Variants in BCL2L13 observed in about 807,000 individuals in gnomAD.
The protein encoded by BCL2L13 is bcl-2-like protein 13.
BCL2L13 carries 13 observed loss-of-function variants against 25.8 expected under a neutral mutation model. That is an observed-to-expected ratio of 0.50 (90% CI 0.33 to 0.80). The LOEUF is 0.80. BCL2L13 is among the 30% of genes least tolerant of loss of function. BCL2L13 has a pLI of 0.02. For synonymous variants in BCL2L13, 244 were observed against 230.3 expected, an observed-to-expected ratio of 1.06 and a Z score of -0.54; for missense variants, 504 against 574.9, an observed-to-expected ratio of 0.88 and a Z score of 1.26.
chr22:17,664,657 C>A (rs5747315), intron 2 of BCL2L13, among the ~76,000 whole-genome samples: 78,133 of 152,136 alleles, frequency 0.51, 20,788 homozygotes, highest in East Asian at 0.84. Flanking sequence ...ACACCTCTGC[C>A]TGGACATCCA....
In BCL2L13 at chr22:17,727,086, C is replaced by T. The variant is rs747258223; in HGVS notation, c.1010C>T (p.Ala337Val). 5.6e-6 allele frequency: 9 copies of T among 1,614,256 alleles called. 1 individual carries two copies. Among genetic ancestry groups the T allele is most frequent in the South Asian group, 5.5e-5 (5 of 91,090 alleles). The stretch of plus-strand genomic sequence containing the variant: ...TTGCCAGCGCGGGAGCTGCAAGAGG[C>T]ACTTCCTGAAGCCCCAGCTCCCTTG... ...VVLPARELQE[A>V]LPEAPAPLLP... The change falls in exon 7 of 7, where the codon GCA (alanine) becomes GTA (valine). Residue 337 changes from alanine to valine, a missense_variant. Coordinates refer to ENST00000317582, the MANE Select transcript of BCL2L13 (RefSeq NM_015367.4).
chr22:17,653,189 G>A (rs577087464), intron 1 of BCL2L13, among the ~76,000 whole-genome samples: 1 of 152,192 alleles, frequency 6.6e-6, no homozygotes, highest in South Asian at 2.1e-4. Context: ...CGTTAAGTCG[G>A]GGACTGTCTG....
At chr22:17,670,384 T>TTC in intron 2 of BCL2L13, among the ~76,000 whole-genome samples, 1 of 151,212 alleles carries the variant, frequency 6.6e-6, no homozygotes, top group Admixed American at 6.6e-5. Flanking sequence ...TTTTTTTTTT[T>TTC]TTTTTTTAAG....
chr22:17,693,376 T>TAG (rs2060168654), intron 4 of BCL2L13, among the ~76,000 whole-genome samples: 1 of 76,920 alleles, frequency 1.3e-5, no homozygotes, highest in African/African-American at 5.4e-5. Context: ...GTGTTTGTTT[T>TAG]TTTTTTTTTT....
At chr22:17,640,953 C>T (rs991223879) in intron 1 of BCL2L13, among the ~76,000 whole-genome samples, 1 of 151,218 alleles carries the variant, frequency 6.6e-6, no homozygotes, top group African/African-American at 2.4e-5. Flanking sequence ...TGCAATGACA[C>T]GATCTCGGCT....
chr22:17,690,966 G>A (rs1321152543), intron 4 of BCL2L13, among the ~76,000 whole-genome samples: 13 of 151,960 alleles, frequency 8.6e-5, no homozygotes, highest in African/African-American at 3.1e-4. Flanking sequence ...GAAGAAGTGA[G>A]GGATAGTAAG....
intron 4 of BCL2L13, among the ~76,000 whole-genome samples, chr22:17,691,681 A>G (rs886905344): frequency 1.3e-5 from 2 of 152,160 alleles, no homozygotes; most frequent in East Asian, 3.8e-4. Flanking sequence ...TCCAAATTTG[A>G]TACAGACTTT....
At chr22:17,684,331 A>G (rs2059844917) in intron 3 of BCL2L13, among the ~76,000 whole-genome samples, 1 of 152,246 alleles carries the variant, frequency 6.6e-6, no homozygotes, top group Non-Finnish European at 1.5e-5. Context: ...TAATAATAAT[A>G]AAGTACAATT....
intron 2 of BCL2L13, among the ~76,000 whole-genome samples, chr22:17,675,677 T>A (rs183844975): frequency 6.6e-6 from 1 of 152,102 alleles, no homozygotes; most frequent in South Asian, 2.1e-4. Context: ...TGGAAAAAAA[T>A]TGAAGGCAAG....
intron 6 of BCL2L13, among the ~76,000 whole-genome samples, chr22:17,720,281 A>G (rs934679274): frequency 1.3e-5 from 2 of 151,804 alleles, no homozygotes; most frequent in African/African-American, 4.8e-5. Flanking sequence ...TGATTCTCCC[A>G]CCTCAGCCTC....
rs537315017 is a variant in BCL2L13, at chr22:17,669,030, C to CTTTTTTTTTTTT, written c.121+13207_121+13218dup. ...AAGTTTATTTGGCTCCTGTTTCTTT[C>CTTTTTTTTTTTT]TTTTTTTTTTTTTTTTTTTTGAGAC... On this transcript the variant is annotated intron_variant, in intron 2 of 6. Transcript: ENST00000317582. Among the ~76,000 whole-genome samples the CTTTTTTTTTTTT allele has an allele frequency of 3.9e-4, 44 of 111,832 alleles. 1 individual carries two copies. The highest frequency in any genetic ancestry group is 5.4e-4 in the East Asian group (2 of 3,738). 73.4% of individuals were successfully genotyped at this position (111,832 alleles called of 152,430 possible). A position where few individuals can be genotyped will look rare whatever the true frequency, so the allele number is the denominator to read the frequency against.
intron 6 of BCL2L13, among the ~76,000 whole-genome samples, chr22:17,710,552 C>G (rs759394236): frequency 2.0e-5 from 3 of 150,170 alleles, no homozygotes; most frequent in Non-Finnish European, 4.4e-5. Context: ...TGCACTCCAG[C>G]CTGGGTGACA....
At chr22:17,685,970 C>T (rs2059925513) in intron 3 of BCL2L13, among the ~76,000 whole-genome samples, 2 of 151,348 alleles carry the variant, frequency 1.3e-5, no homozygotes. Flanking sequence ...GACGGGGTTT[C>T]ACCGTGTTAG....
chr22:17,719,827 C>CAAAAAAAAAAAAAAAAAA (rs60474373), intron 6 of BCL2L13, among the ~76,000 whole-genome samples: 1 of 91,098 alleles, frequency 1.1e-5, no homozygotes, highest in Non-Finnish European at 2.3e-5. Flanking sequence ...GACTCCATCT[C>CAAAAAAAAAAAAAAAAAA]AAAAAAAAAA....
chr22:17,672,910 A>C (rs1303875396), intron 2 of BCL2L13, among the ~76,000 whole-genome samples: 1 of 152,112 alleles, frequency 6.6e-6, no homozygotes, highest in Non-Finnish European at 1.5e-5. Flanking sequence ...TTGGGTATGT[A>C]GATTTTCCAA....
intron 6 of BCL2L13, among the ~76,000 whole-genome samples, 171 bp from the exon 7 acceptor site, chr22:17,726,506 C>A (rs918492237): frequency 2.6e-5 from 4 of 152,118 alleles, no homozygotes; most frequent in Non-Finnish European, 5.9e-5. Context: ...GTCAAAAATT[C>A]TTTCTCTGCA....
intron 6 of BCL2L13, among the ~76,000 whole-genome samples, chr22:17,720,409 T>C (rs1177017228): frequency 6.6e-6 from 1 of 152,080 alleles, no homozygotes; most frequent in Non-Finnish European, 1.5e-5. Context: ...CAGGCCGGAG[T>C]GCACTGGCGC....
chr22:17,720,366 C>G (rs1257822153), intron 6 of BCL2L13, among the ~76,000 whole-genome samples: 2 of 151,656 alleles, frequency 1.3e-5, no homozygotes, highest in African/African-American at 2.4e-5. Context: ...TTTAATTTTT[C>G]TTTTTTTGAG....
chr22:17,637,818 T>C (rs561345961), upstream of BCL2L13, among the ~76,000 whole-genome samples: 4 of 152,292 alleles, frequency 2.6e-5, no homozygotes, highest in African/African-American at 9.6e-5. Flanking sequence ...TTCAACTCTT[T>C]TATCACTTCC....
Sources: allele counts gnomAD v4.1 joint callset (sites outside exome capture counted in the v4.1 genomes callset), GRCh38; gene constraint gnomAD v4.1.1; transcripts MANE v1.5; gene names NCBI Gene and HGNC (gene_info 2026-07-23, HGNC 2026-07-21).